The following HOATZ variants were observed in gnomAD, a reference collection of about 807,000 sequenced individuals.
HOATZ encodes the protein HOATZ cilia and flagella associated protein.
A neutral mutation model predicts 24.9 loss-of-function variants in HOATZ; 26 were observed. The ratio of observed to expected loss-of-function variants is 1.04; its 90% CI spans 0.76 to 1.45. The LOEUF is 1.45. HOATZ is among the 40% of genes most tolerant of loss of function. The pLI is 0.00. For missense variants in HOATZ, 226 were observed against 201.5 expected (o/e 1.12, Z -0.74); for synonymous variants, 83 against 76.6 (o/e 1.08, Z -0.43).
intron 3 of HOATZ, among the ~76,000 whole-genome samples, chr11:111,521,094 T>C (rs1416420361): frequency 6.6e-6 from 1 of 152,172 alleles, no homozygotes; most frequent in African/African-American, 2.4e-5. Flanking sequence ...TTTGAACCAC[T>C]TGTGGTTCCA....
At chr11:111,518,919 A>C in intron 3 of HOATZ, 1 of 419,874 alleles carries the variant, frequency 2.4e-6, no homozygotes, top group South Asian at 1.8e-5. Flanking sequence ...CTGTGCTCCC[A>C]CGGCAAGCCA....
intron 3 of HOATZ, among the ~76,000 whole-genome samples, chr11:111,520,836 C>CGA (rs1350149860): frequency 2.6e-5 from 4 of 152,044 alleles, no homozygotes; most frequent in Non-Finnish European, 4.4e-5. Context: ...ACTTAGTAGC[C>CGA]GAGAGAGAGA....
rs116675063 is a variant in HOATZ, at chr11:111,530,705, A to G, written c.340-3041A>G. On this transcript the variant is annotated intron_variant, in intron 3 of 5. Coordinates refer to ENST00000375618, the MANE Select transcript of HOATZ (RefSeq NM_001100388.2). Reference sequence around the variant, plus strand: ...CATTAATAAGCCCAACCAAAACACTATAATTAGAAATGAAAATTTTTTGTT... The same window carrying G: ...CATTAATAAGCCCAACCAAAACACTGTAATTAGAAATGAAAATTTTTTGTT... Among the ~76,000 whole-genome samples the G allele has an allele frequency of 9.2e-3, 1,402 of 152,292 alleles. 28 individuals carry two copies. Among genetic ancestry groups the G allele is most frequent in the African/African-American group, 0.032 (1,311 of 41,562 alleles).
At chr11:111,520,870 C>T (rs530967887) in intron 3 of HOATZ, among the ~76,000 whole-genome samples, 44 of 152,240 alleles carry the variant, frequency 2.9e-4, no homozygotes, top group African/African-American at 8.2e-4. Flanking sequence ...ACTTTTATTA[C>T]AGTATATTGT....
At chr11:111,530,482 G>A (rs575786877) in intron 3 of HOATZ, among the ~76,000 whole-genome samples, 4 of 152,192 alleles carry the variant, frequency 2.6e-5, no homozygotes, top group South Asian at 4.1e-4. Flanking sequence ...CACATTAAAT[G>A]TATATGTTAT....
In HOATZ at chr11:111,514,952, G is replaced by A. The variant is rs1433199691; in HGVS notation, c.168G>A (p.Leu56=). The change falls in exon 1 of 6, where the codon CTG becomes CTA. Residue 56 remains leucine, a synonymous_variant. Coordinates refer to ENST00000375618, the MANE Select transcript of HOATZ (RefSeq NM_001100388.2). Reference sequence around the variant, plus strand: ...CCCCTAGCGAATCTCAGCTGGTGCTGCGCAGAGACAGCAGTCAGCGTCTGC... The same window carrying A: ...CCCCTAGCGAATCTCAGCTGGTGCTACGCAGAGACAGCAGTCAGCGTCTGC... The part of the protein sequence containing the change: ...MYPPSESQLV[L]RRDSSQRLPV... 1 of 1,613,992 alleles carries A rather than the reference G, an allele frequency of 6.2e-7. No homozygotes were observed. The highest frequency in any genetic ancestry group is 1.3e-5 in the African/African-American group (1 of 75,060).
At chr11:111,524,294 T>C (rs148825815) in intron 3 of HOATZ, among the ~76,000 whole-genome samples, 29 of 152,320 alleles carry the variant, frequency 1.9e-4, no homozygotes, top group African/African-American at 6.0e-4. Flanking sequence ...TTTTGCTCTG[T>C]AGTCACAGAA....
In HOATZ at chr11:111,516,059, C is replaced by A; in HGVS notation, c.288C>A (p.Ala96=). Residue 96 remains alanine, a synonymous_variant, in exon 3 of 6, where the codon GCC becomes GCA. Transcript: ENST00000375618. The stretch of plus-strand genomic sequence containing the variant: ...CTCTAGAAAATAGAGACATCTTTGC[C>A]GAAGCCCTAAAGATACAGGAATCTG... ...LASNKNRDIF[A]EALKIQESEE... is the part of the protein sequence containing the mutation. The A allele has an allele frequency of 6.3e-7, 1 of 1,593,278 alleles. No individual in the cohort carries two copies. The highest frequency in any genetic ancestry group is 1.3e-5 in the African/African-American group (1 of 74,260).
chr11:111,515,537 C>A lies in HOATZ; in HGVS notation c.253C>A (p.His85Asn). The change falls in exon 2 of 6, where the codon CAC becomes AAC. Residue 85 changes from histidine to asparagine, a missense_variant. His to Asn is a moderately conservative substitution (Grantham distance 68). Transcript: ENST00000375618. ...AAACAGCCACTCCTCGCAGTCTTTTCACCTTGCGAGTAACAGTAAGTACCA... is the reference window on the plus strand; with the variant it reads ...AAACAGCCACTCCTCGCAGTCTTTTAACCTTGCGAGTAACAGTAAGTACCA... ...SENSHSSQSF[H>N]LASNKNRDIF... is the part of the protein sequence containing the mutation. 1 of 1,613,494 alleles carries A rather than the reference C, an allele frequency of 6.2e-7. No homozygotes were observed. The highest frequency in any genetic ancestry group is 1.3e-5 in the African/African-American group (1 of 75,032).
intron 3 of HOATZ, among the ~76,000 whole-genome samples, chr11:111,517,447 G>A (rs567724464): frequency 2.6e-5 from 4 of 152,280 alleles, no homozygotes; most frequent in African/African-American, 7.2e-5. Flanking sequence ...TACCAGTGGA[G>A]GTTATGCTGA....
At chr11:111,525,029 CAG>C in intron 3 of HOATZ, 1 of 331,014 alleles carries the variant, frequency 3.0e-6, no homozygotes. Flanking sequence ...CCATCACATC[CAG>C]CTACATTTTT....
At chr11:111,535,070 A>G (rs906367287) in intron 5 of HOATZ, 3 of 152,210 alleles carry the variant, frequency 2.0e-5, no homozygotes, top group Admixed American at 2.0e-4. Flanking sequence ...TGGCCAACTC[A>G]ACATTAATAT....
At chr11:111,530,670 T>C (rs573111651) in intron 3 of HOATZ, among the ~76,000 whole-genome samples, 1 of 152,320 alleles carries the variant, frequency 6.6e-6, no homozygotes, top group African/African-American at 2.4e-5. Context: ...TATAAAGTCT[T>C]ATAAAATTCC....
At chr11:111,533,575 A>G (rs1715217003) in intron 3 of HOATZ, among the ~76,000 whole-genome samples, 171 bp from the exon 4 acceptor site, 1 of 152,188 alleles carries the variant, frequency 6.6e-6, no homozygotes, top group African/African-American at 2.4e-5. Context: ...AAGCAGCATT[A>G]TCTTGAATAA....
intron 3 of HOATZ, among the ~76,000 whole-genome samples, chr11:111,532,727 C>T (rs1435178405): frequency 6.6e-6 from 1 of 152,150 alleles, no homozygotes; most frequent in African/African-American, 2.4e-5. Flanking sequence ...TAGGAAGGTA[C>T]TCAATAAATT....
At chr11:111,517,826 C>A (rs368090426) in intron 3 of HOATZ, among the ~76,000 whole-genome samples, 8 of 152,310 alleles carry the variant, frequency 5.3e-5, no homozygotes, top group Middle Eastern at 3.4e-3. Context: ...CAATCCCTCA[C>A]AATGTATTAG....
At chr11:111,520,404 A>G (rs1238597078) in intron 3 of HOATZ, among the ~76,000 whole-genome samples, 3 of 152,212 alleles carry the variant, frequency 2.0e-5, no homozygotes, top group Admixed American at 6.5e-5. Flanking sequence ...ATGAATATAA[A>G]TCAAAGGTTT....
intron 3 of HOATZ, among the ~76,000 whole-genome samples, chr11:111,521,833 T>C (rs1867272050): frequency 6.6e-6 from 1 of 152,256 alleles, no homozygotes; most frequent in Non-Finnish European, 1.5e-5. Context: ...TTATTCAATG[T>C]TGGGGAACAT....
rs1867428091 is a variant in HOATZ, at chr11:111,534,551, C to G, written c.452+87C>G. 7 of 1,076,458 alleles carry G rather than the reference C, an allele frequency of 6.5e-6. No individual in the cohort carries two copies. The East Asian group carries it at 1.7e-4, about 25-fold the overall frequency. The allele number at this position is 1,076,458 out of a possible 1,614,324, so 66.7% of individuals were successfully genotyped here. ...TCTTTTTTCTTACTTTGCCACTTACCCTTAAATCTTCTAGAAACCCACCCG... is the reference window on the plus strand; with the variant it reads ...TCTTTTTTCTTACTTTGCCACTTACGCTTAAATCTTCTAGAAACCCACCCG... On this transcript the variant is annotated intron_variant, in intron 5 of 5. Transcript: ENST00000375618.
Sources: gnomAD v4.1 joint callset for allele counts (sites outside exome capture counted in the v4.1 genomes callset) on GRCh38, gnomAD v4.1.1 for gene constraint, MANE v1.5 for transcripts, NCBI Gene and HGNC (gene_info 2026-07-23, HGNC 2026-07-21) for gene names.